CNTN1: variants seen among roughly 807,000 people sequenced by gnomAD.
CNTN1 encodes contactin 1.
In CNTN1, 38 loss-of-function variants were observed where a neutral mutation model predicts 126.4. The ratio of observed to expected loss-of-function variants is 0.30; its 90% CI spans 0.23 to 0.39. The LOEUF is 0.39. CNTN1 is among the 10% of genes least tolerant of loss of function. The pLI, the probability that CNTN1 is intolerant of heterozygous loss-of-function variation, is 1.00. For synonymous variants in CNTN1, 413 were observed against 422.6 expected (o/e 0.98, Z 0.28); for missense variants, 1,009 against 1,248.4 (o/e 0.81, Z 2.89).
At chr12:40,977,623 G>A (rs11179281) in intron 15 of CNTN1, among the ~76,000 whole-genome samples, 39,938 of 152,012 alleles carry the variant, frequency 0.26, 5,692 homozygotes, top group South Asian at 0.35. Context: ...ACTCCTGCCA[G>A]GTAGCTAAGA....
intron 1 of CNTN1, among the ~76,000 whole-genome samples, chr12:40,777,761 G>C (rs1006319151): frequency 7.9e-5 from 12 of 151,798 alleles, no homozygotes; most frequent in Admixed American, 4.0e-4. Context: ...TCAAACCCCG[G>C]TCCAACTGTT....
intron 22 of CNTN1, among the ~76,000 whole-genome samples, chr12:41,028,534 T>C (rs1386296031): frequency 1.3e-5 from 2 of 152,222 alleles, no homozygotes; most frequent in Non-Finnish European, 2.9e-5. Flanking sequence ...CTATTTTTGT[T>C]TGGCAATGAT....
intron 1 of CNTN1, among the ~76,000 whole-genome samples, chr12:40,875,793 T>G (rs2136682347): frequency 6.6e-6 from 1 of 152,238 alleles, no homozygotes; most frequent in Non-Finnish European, 1.5e-5. Flanking sequence ...TTCAGGTTTT[T>G]TTGGCTATTA....
intron 1 of CNTN1, among the ~76,000 whole-genome samples, chr12:40,785,200 T>C (rs1939964323): frequency 1.3e-5 from 2 of 152,156 alleles, no homozygotes; most frequent in South Asian, 4.1e-4. Flanking sequence ...TTTGCATCAC[T>C]ATGAAGAAAC....
intron 16 of CNTN1, among the ~76,000 whole-genome samples, chr12:40,987,833 C>T (rs532915555): frequency 6.6e-6 from 1 of 152,082 alleles, no homozygotes; most frequent in African/African-American, 2.4e-5. Context: ...GTTTTTATTC[C>T]CATCATCAGT....
intron 1 of CNTN1, among the ~76,000 whole-genome samples, chr12:40,891,601 G>C (rs993571228): frequency 6.6e-6 from 1 of 151,920 alleles, no homozygotes; most frequent in Non-Finnish European, 1.5e-5. Flanking sequence ...TTGTTGTTGC[G>C]CATGGATGTC....
intron 17 of CNTN1, among the ~76,000 whole-genome samples, chr12:41,003,017 G>A (rs1463314866): frequency 6.6e-6 from 1 of 152,118 alleles, no homozygotes; most frequent in Non-Finnish European, 1.5e-5. Context: ...TCCTGGTCTT[G>A]TGCCAGTTTT....
At chr12:40,775,130 A>G (rs915641696) in intron 1 of CNTN1, among the ~76,000 whole-genome samples, 4 of 148,262 alleles carry the variant, frequency 2.7e-5, no homozygotes, top group Non-Finnish European at 4.5e-5. Flanking sequence ...CCCATTAACC[A>G]TCCCCTCTTT....
chr12:41,000,949 C>A (rs953434319), intron 17 of CNTN1, among the ~76,000 whole-genome samples: 4 of 152,188 alleles, frequency 2.6e-5, no homozygotes, highest in Non-Finnish European at 4.4e-5. Context: ...CATGTCCCTG[C>A]AAAGTACATG....
chr12:40,870,599 A>G (rs1943451839), intron 1 of CNTN1, among the ~76,000 whole-genome samples: 1 of 152,164 alleles, frequency 6.6e-6, no homozygotes, highest in Non-Finnish European at 1.5e-5. Flanking sequence ...CAATAAATCA[A>G]ATTTTAATCA....
At chr12:40,962,134 T>G (rs997335673) in intron 15 of CNTN1, among the ~76,000 whole-genome samples, 20 of 152,102 alleles carry the variant, frequency 1.3e-4, no homozygotes, top group Non-Finnish European at 2.1e-4. Flanking sequence ...CAGAGAAGAC[T>G]GAAACAAAAG....
At position 40,854,713 on chromosome 12, in the gene CNTN1, A is replaced by G. The variant is rs184931316; in HGVS notation, c.-76-53644A>G. Among the ~76,000 whole-genome samples, 8 of 152,280 alleles carry G rather than the reference A, an allele frequency of 5.3e-5. No individual in the cohort carries two copies. The East Asian group carries it at 1.5e-3, about 29-fold the overall frequency. On this transcript the variant is annotated intron_variant, in intron 1 of 23. Transcript: ENST00000551295. ...ATGACAACATAAGAAGAGGATTTCT[A>G]ACTCAGAGTAGGAGAGCCAAGGAAC... is the stretch of plus-strand genomic sequence containing the variant.
intron 15 of CNTN1, among the ~76,000 whole-genome samples, chr12:40,962,370 T>C (rs944529658): frequency 6.6e-6 from 1 of 152,138 alleles, no homozygotes; most frequent in African/African-American, 2.4e-5. Context: ...TTTAATTTAT[T>C]CCTTGCCTTT....
intron 23 of CNTN1, among the ~76,000 whole-genome samples, chr12:41,050,126 C>T (rs1949638558): frequency 6.6e-6 from 1 of 152,168 alleles, no homozygotes; most frequent in African/African-American, 2.4e-5. Flanking sequence ...TCTTGAACTC[C>T]TGACCTCAGG....
At chr12:40,699,883 T>C (rs1488711377) in intron 1 of CNTN1, among the ~76,000 whole-genome samples, 1 of 152,170 alleles carries the variant, frequency 6.6e-6, no homozygotes, top group Non-Finnish European at 1.5e-5. Context: ...CCCAGAACAT[T>C]TCACTGAGAG....
intron 1 of CNTN1, among the ~76,000 whole-genome samples, chr12:40,737,292 T>TGTGA (rs1256195697): frequency 6.8e-6 from 1 of 147,388 alleles, no homozygotes. Flanking sequence ...TATATGTGTG[T>TGTGA]GTGTGTGTGT....
intron 14 of CNTN1, among the ~76,000 whole-genome samples, chr12:40,944,384 A>G (rs1946365670): frequency 6.6e-6 from 1 of 152,030 alleles, no homozygotes; most frequent in South Asian, 2.1e-4. Flanking sequence ...TATAAATATT[A>G]ATCAATTAAT....
At chr12:40,777,593 TG>T (rs1239739855) in intron 1 of CNTN1, among the ~76,000 whole-genome samples, 1 of 151,784 alleles carries the variant, frequency 6.6e-6, no homozygotes, top group Non-Finnish European at 1.5e-5. Flanking sequence ...AAAGTCACAA[TG>T]TAAATTTTTT....
At chr12:40,950,036 T>G (rs1028868542) in intron 14 of CNTN1, among the ~76,000 whole-genome samples, 1 of 151,958 alleles carries the variant, frequency 6.6e-6, no homozygotes, top group African/African-American at 2.4e-5. Context: ...CCCTGAAGTA[T>G]TGTAACTTTG....
Sources: gnomAD v4.1 joint callset for allele counts (sites outside exome capture counted in the v4.1 genomes callset) on GRCh38, gnomAD v4.1.1 for gene constraint, MANE v1.5 for transcripts, NCBI Gene and HGNC (gene_info 2026-07-23, HGNC 2026-07-21) for gene names.